The following SH3D19 variants were observed in gnomAD, a reference collection of about 807,000 sequenced individuals.
The protein encoded by SH3D19 is SH3 domain containing 19.
SH3D19 carries 58 observed loss-of-function variants against 112.1 expected under a neutral mutation model. The ratio of observed to expected loss-of-function variants is 0.52; its 90% confidence interval spans 0.42 to 0.64. The LOEUF (loss-of-function observed/expected upper bound fraction) is 0.64. SH3D19 is among the 30% of genes least tolerant of loss of function. The probability of loss-of-function intolerance (pLI) is 0.00; values close to 1 mark genes in which losing one functional copy is unlikely to be tolerated. For missense variants in SH3D19, 1,090 were observed against 1,263.4 expected, an observed-to-expected ratio of 0.86 and a Z score of 2.08; for synonymous variants, 391 against 448.5, an observed-to-expected ratio of 0.87 and a Z score of 1.62.
At chr4:151,249,866 T>C (rs6535782) in intron 1 of SH3D19, among the ~76,000 whole-genome samples, 49,883 of 152,078 alleles carry the variant, frequency 0.33, 9,501 homozygotes, top group Non-Finnish European at 0.44. Context: ...ATCCTCTACG[T>C]AAAAAAGAAT....
intron 7 of SH3D19, among the ~76,000 whole-genome samples, chr4:151,172,224 T>C (rs1180733748): frequency 1.3e-5 from 2 of 152,066 alleles, no homozygotes; most frequent in Admixed American, 6.6e-5. Context: ...GCTACCAAAA[T>C]ACCACCAAAA....
intron 3 of SH3D19, among the ~76,000 whole-genome samples, chr4:151,183,239 G>C (rs569162247): frequency 6.6e-6 from 1 of 152,044 alleles, no homozygotes; most frequent in African/African-American, 2.4e-5. Flanking sequence ...TGATCCGCCC[G>C]CCTCAGCCTC....
At chr4:151,213,684 A>T (rs1216613468) in intron 2 of SH3D19, among the ~76,000 whole-genome samples, 1 of 147,696 alleles carries the variant, frequency 6.8e-6, no homozygotes, top group Non-Finnish European at 1.5e-5. Context: ...TAATTAATTA[A>T]TTAATTTATT....
chr4:151,256,009 A>AGG (rs2149983076), intron 1 of SH3D19, among the ~76,000 whole-genome samples: 1 of 63,316 alleles, frequency 1.6e-5, no homozygotes, highest in African/African-American at 4.9e-5. Flanking sequence ...CCGTGGAAAG[A>AGG]GAGGGGGAGA....
At chr4:151,157,385 G>C (rs1756316149) in intron 9 of SH3D19, among the ~76,000 whole-genome samples, 1 of 151,504 alleles carries the variant, frequency 6.6e-6, no homozygotes, top group Admixed American at 6.6e-5. Context: ...ATGGCAATGA[G>C]GTATCATCTC....
chr4:151,130,437 AAAAACAAAAC>A, intron 17 of SH3D19, among the ~76,000 whole-genome samples: 1 of 152,182 alleles, frequency 6.6e-6, no homozygotes, highest in South Asian at 2.1e-4. Context: ...CCTGTCTCAA[AAAAACAAAAC>A]AAAACAAAAC....
intron 1 of SH3D19, among the ~76,000 whole-genome samples, chr4:151,271,839 A>C (rs753829603): frequency 6.6e-6 from 1 of 152,256 alleles, no homozygotes; most frequent in African/African-American, 2.4e-5. Flanking sequence ...ATTTCTTATG[A>C]AAATCTTGTG....
At chr4:151,246,378 T>C (rs959791461) in intron 1 of SH3D19, among the ~76,000 whole-genome samples, 6 of 152,194 alleles carry the variant, frequency 3.9e-5, no homozygotes, top group African/African-American at 1.2e-4. Flanking sequence ...ACCTAGCATT[T>C]TCCTTGCAAT....
chr4:151,260,846 G>A (rs1016239067), intron 1 of SH3D19, among the ~76,000 whole-genome samples: 6 of 152,040 alleles, frequency 3.9e-5, no homozygotes, highest in Non-Finnish European at 7.4e-5. Context: ...TGCTTTTATC[G>A]ATCTTAAGGC....
chr4:151,201,781 C>A (rs933648382), intron 2 of SH3D19, among the ~76,000 whole-genome samples: 1 of 151,996 alleles, frequency 6.6e-6, no homozygotes, highest in African/African-American at 2.4e-5. Flanking sequence ...GAGGCCGAGG[C>A]GGGTGGATCA....
chr4:151,132,668 C>T (rs2149739300), intron 16 of SH3D19, among the ~76,000 whole-genome samples: 1 of 152,324 alleles, frequency 6.6e-6, no homozygotes, highest in South Asian at 2.1e-4. Flanking sequence ...CAGAGTCTGG[C>T]TCTGTTGCCC....
At chr4:151,239,445 T>C (rs927139734) in intron 1 of SH3D19, among the ~76,000 whole-genome samples, 64 of 152,288 alleles carry the variant, frequency 4.2e-4, no homozygotes, top group African/African-American at 1.5e-3. Context: ...TATTAATTCA[T>C]AGAGAAGAAG....
At chr4:151,184,602 G>A (rs1761456175) in intron 3 of SH3D19, among the ~76,000 whole-genome samples, 1 of 68,966 alleles carries the variant, frequency 1.4e-5, no homozygotes, top group South Asian at 6.6e-4. Context: ...TCTCTGCTAG[G>A]GCCCTGTTTC....
At chr4:151,302,884 G>A (rs970313630) in intron 1 of SH3D19, among the ~76,000 whole-genome samples, 3 of 152,046 alleles carry the variant, frequency 2.0e-5, no homozygotes, top group Non-Finnish European at 2.9e-5. Context: ...GGGGGAAGGG[G>A]GGAGGGATAG....
At position 151,308,931 on chromosome 4, in the gene SH3D19, G is replaced by A. The variant is rs150216228; in HGVS notation, c.112+16310C>T. ...CCCACCGGGACTAGAGTGCGGTGGCGCAATCTTGGCTTACTGCAGCCCCCA... is the reference window on the plus strand; with the variant it reads ...CCCACCGGGACTAGAGTGCGGTGGCACAATCTTGGCTTACTGCAGCCCCCA... On this transcript the variant is annotated intron_variant, in intron 1 of 19. Transcript: ENST00000604030. Among the ~76,000 whole-genome samples the A allele has an allele frequency of 2.0e-4, 30 of 151,480 alleles. No homozygotes were observed. In the East Asian group the frequency reaches 3.5e-3, roughly 18 times the overall value.
intron 2 of SH3D19, among the ~76,000 whole-genome samples, chr4:151,196,667 G>C (rs971847319): frequency 6.6e-6 from 1 of 151,632 alleles, no homozygotes; most frequent in Admixed American, 6.6e-5. Context: ...AAACTAAAAA[G>C]CTTCTGCACA....
chr4:151,168,511 T>G (rs1758505066), intron 7 of SH3D19, among the ~76,000 whole-genome samples: 1 of 151,948 alleles, frequency 6.6e-6, no homozygotes, highest in African/African-American at 2.4e-5. Context: ...CACGACTCAT[T>G]GCAGCCTCAA....
chr4:151,152,341 C>A (rs2149784930), intron 9 of SH3D19, among the ~76,000 whole-genome samples: 1 of 152,266 alleles, frequency 6.6e-6, no homozygotes, highest in East Asian at 1.9e-4. Context: ...TTTTCTCTAG[C>A]TCTGATATCC....
At chr4:151,177,599 T>G (rs1295895583) in intron 4 of SH3D19, among the ~76,000 whole-genome samples, 1 of 152,208 alleles carries the variant, frequency 6.6e-6, no homozygotes, top group Non-Finnish European at 1.5e-5. Flanking sequence ...TCTGCCCACC[T>G]CAGCCTCCCA....
Sources: gnomAD v4.1 joint callset for allele counts (sites outside exome capture counted in the v4.1 genomes callset) on GRCh38, gnomAD v4.1.1 for gene constraint, MANE v1.5 for transcripts, NCBI Gene and HGNC (gene_info 2026-07-23, HGNC 2026-07-21) for gene names.